The following HIBADH variants were observed in gnomAD, a reference collection of about 807,000 sequenced individuals.
HIBADH encodes the protein 3-hydroxyisobutyrate dehydrogenase, mitochondrial.
A neutral mutation model predicts 36.1 loss-of-function variants in HIBADH; 25 were observed. That is an observed-to-expected ratio of 0.69 (90% CI 0.50 to 0.97). HIBADH has a LOEUF of 0.97. HIBADH is among the 50% of genes least tolerant of loss of function. HIBADH has a pLI of 0.00. For synonymous variants in HIBADH, 160 were observed against 149.5 expected, an observed-to-expected ratio of 1.07 and a Z score of -0.51; for missense variants, 421 against 418.0, an observed-to-expected ratio of 1.01 and a Z score of -0.06.
At chr7:27,602,923 C>T (rs934640413) in intron 4 of HIBADH, among the ~76,000 whole-genome samples, 1 of 152,098 alleles carries the variant, frequency 6.6e-6, no homozygotes, top group Non-Finnish European at 1.5e-5. Flanking sequence ...CAGCACCCAC[C>T]CATTCCCAAA....
chr7:27,648,630 G>T (rs1243847709), intron 2 of HIBADH, among the ~76,000 whole-genome samples: 3 of 152,120 alleles, frequency 2.0e-5, no homozygotes, highest in Non-Finnish European at 2.9e-5. Context: ...TGACCAAGAA[G>T]AATTTCCCTC....
At chr7:27,645,648 T>C (rs1254878791) in intron 2 of HIBADH, among the ~76,000 whole-genome samples, 2 of 152,008 alleles carry the variant, frequency 1.3e-5, no homozygotes, top group African/African-American at 2.4e-5. Flanking sequence ...TCCCAAACTG[T>C]TGGGATTACA....
intron 2 of HIBADH, among the ~76,000 whole-genome samples, chr7:27,643,947 C>G (rs372470309): frequency 1.3e-5 from 2 of 152,198 alleles, no homozygotes; most frequent in African/African-American, 4.8e-5. Flanking sequence ...AGGGTCCACC[C>G]TAAATCCACG....
In HIBADH at chr7:27,662,779, A is replaced by C; in HGVS notation, c.10T>G (p.Ser4Ala). 1.4e-6 allele frequency: 2 copies of C among 1,466,824 alleles called. No individual in the cohort carries two copies. Among genetic ancestry groups the C allele is most frequent in the Non-Finnish European group, 9.0e-7 (1 of 1,108,152 alleles). The allele number at this position is 1,466,824 out of a possible 1,614,324, so 90.9% of individuals were successfully genotyped here. Reference sequence around the variant, plus strand: ...GAGGCAGCTCCGAGGAGCCGTAAGGAGGCTGCCATGCTGCGCCCGCCCCTC... The same window carrying C: ...GAGGCAGCTCCGAGGAGCCGTAAGGCGGCTGCCATGCTGCGCCCGCCCCTC... MAA[S>A]LRLLGAASGL... is the part of the protein sequence containing the mutation. Residue 4 changes from serine (S) to alanine (A), a missense_variant, in exon 1 of 8, where the codon TCC becomes GCC. By Grantham distance (99) the Ser-to-Ala change is moderately conservative (BLOSUM62 1). Transcript: ENST00000265395.
chr7:27,603,322 T>C (rs1376367497), intron 4 of HIBADH, among the ~76,000 whole-genome samples: 1 of 152,204 alleles, frequency 6.6e-6, no homozygotes, highest in Admixed American at 6.5e-5. Flanking sequence ...TGTTTTTTTG[T>C]AACCTAAACA....
intron 5 of HIBADH, among the ~76,000 whole-genome samples, chr7:27,539,329 G>C (rs1784113163): frequency 6.6e-6 from 1 of 152,244 alleles, no homozygotes; most frequent in East Asian, 1.9e-4. Flanking sequence ...AACAATGAGA[G>C]TAACTTGAAG....
chr7:27,588,083 A>G (rs1348215842), intron 4 of HIBADH, among the ~76,000 whole-genome samples: 1 of 152,230 alleles, frequency 6.6e-6, no homozygotes, highest in Non-Finnish European at 1.5e-5. Flanking sequence ...TCTAATGCAC[A>G]AATCTTTAGG....
chr7:27,607,043 C>T (rs1196354135), intron 4 of HIBADH, among the ~76,000 whole-genome samples: 3 of 152,122 alleles, frequency 2.0e-5, no homozygotes, highest in Non-Finnish European at 2.9e-5. Flanking sequence ...TTCCTATTAG[C>T]TTGAAATATC....
At chr7:27,608,488 C>G (rs553064530) in intron 4 of HIBADH, among the ~76,000 whole-genome samples, 85 of 152,310 alleles carry the variant, frequency 5.6e-4, no homozygotes, top group African/African-American at 2.0e-3. Flanking sequence ...TTAACATTAT[C>G]AAACCTCAAG....
At chr7:27,586,596 C>A (rs1784867599) in intron 4 of HIBADH, among the ~76,000 whole-genome samples, 1 of 148,790 alleles carries the variant, frequency 6.7e-6, no homozygotes, top group African/African-American at 2.5e-5. Context: ...TACTTTTTAA[C>A]TCTGTTCTTG....
chr7:27,588,834 G>C (rs1784900681), intron 4 of HIBADH, among the ~76,000 whole-genome samples: 1 of 152,236 alleles, frequency 6.6e-6, no homozygotes, highest in African/African-American at 2.4e-5. Flanking sequence ...TGAAAAAGTA[G>C]AGTGCCTATA....
At chr7:27,542,894 T>C (rs1784176622) in intron 5 of HIBADH, 73 bp downstream of exon 5, 2 of 1,416,158 alleles carry the variant, frequency 1.4e-6, no homozygotes, top group African/African-American at 1.4e-5. Context: ...AATAAAAATA[T>C]GGTCAGGAAA....
chr7:27,538,420 G>A lies in HIBADH; in HGVS notation c.619-3C>T. 1 of 1,611,430 alleles carries A rather than the reference G, an allele frequency of 6.2e-7. No individual in the cohort carries two copies. The highest frequency in any genetic ancestry group is 1.1e-5 in the South Asian group (1 of 90,986). ...ATGTTGTTGCAGATCTTTGCCGCCT[G>A]AAAATAAATTGAGTACATATTAAAT... is the stretch of plus-strand genomic sequence containing the variant. On this transcript the variant is annotated splice_region_variant and splice_polypyrimidine_tract_variant and intron_variant, in intron 5 of 7. Transcript: ENST00000265395.
At chr7:27,624,898 C>T (rs1785613808) in intron 4 of HIBADH, among the ~76,000 whole-genome samples, 1 of 152,178 alleles carries the variant, frequency 6.6e-6, no homozygotes, top group Admixed American at 6.5e-5. Context: ...GAAGACCAAC[C>T]ATGTTCTAAG....
At chr7:27,550,434 T>G (rs1054089938) in intron 4 of HIBADH, among the ~76,000 whole-genome samples, 6 of 152,212 alleles carry the variant, frequency 3.9e-5, no homozygotes, top group Non-Finnish European at 8.8e-5. Context: ...TAATTACTTC[T>G]CTGGTCTCCT....
rs1220965254 is a variant in HIBADH at position 27,662,783 on chromosome 7, T to C, written c.6A>G (p.Ala2=). 1 of 1,466,300 alleles carries C rather than the reference T, an allele frequency of 6.8e-7. No individual in the cohort carries two copies. The highest frequency in any genetic ancestry group is 2.5e-4 in the Middle Eastern group (1 of 4,080). The allele number at this position is 1,466,300 out of a possible 1,614,324, so 90.8% of individuals were successfully genotyped here. A position where few individuals can be genotyped will look rare whatever the true frequency, so the allele number is the denominator to read the frequency against. The part of the protein sequence containing the change: M[A]ASLRLLGAAS... ...CAGCTCCGAGGAGCCGTAAGGAGGC[T>C]GCCATGCTGCGCCCGCCCCTCTCCC... is the stretch of plus-strand genomic sequence containing the variant. The change falls in exon 1 of 8, where the codon GCA becomes GCG. Residue 2 remains alanine, a synonymous_variant. Coordinates refer to ENST00000265395, the MANE Select transcript of HIBADH (RefSeq NM_152740.4).
At chr7:27,538,299 G>A in intron 6 of HIBADH, 42 bp downstream of exon 6, 1 of 1,390,064 alleles carries the variant, frequency 7.2e-7, no homozygotes, top group Non-Finnish European at 1.0e-6. Flanking sequence ...AAATAGGAAA[G>A]CCTATAAAAA....
intron 4 of HIBADH, among the ~76,000 whole-genome samples, chr7:27,548,256 T>C (rs1374089060): frequency 6.6e-6 from 1 of 151,164 alleles, no homozygotes; most frequent in East Asian, 2.0e-4. Flanking sequence ...TTTCTTCCCT[T>C]CCACACCTAC....
At chr7:27,627,374 G>A (rs945300593) in intron 4 of HIBADH, among the ~76,000 whole-genome samples, 5 of 152,076 alleles carry the variant, frequency 3.3e-5, no homozygotes, top group Admixed American at 6.6e-5. Flanking sequence ...CCACATTTTA[G>A]CCCTACCTGT....
Sources: allele counts gnomAD v4.1 joint callset (sites outside exome capture counted in the v4.1 genomes callset), GRCh38; gene constraint gnomAD v4.1.1; transcripts MANE v1.5; gene names NCBI Gene and HGNC (gene_info 2026-07-23, HGNC 2026-07-21).